SH3D19: variants seen among roughly 807,000 people sequenced by gnomAD.
SH3D19 encodes SH3 domain containing 19.
Under a neutral mutation model 112.1 loss-of-function variants are expected in SH3D19, and 58 were observed. The ratio of observed to expected loss-of-function variants is 0.52; its 90% CI spans 0.42 to 0.64. SH3D19 has a LOEUF of 0.64. Among genes scored for constraint, SH3D19 ranks in the 30% least tolerant of loss-of-function variants. The pLI is 0.00. For missense variants in SH3D19, 1,090 were observed against 1,263.4 expected, an observed-to-expected ratio of 0.86 and a Z score of 2.08; for synonymous variants, 391 against 448.5, an observed-to-expected ratio of 0.87 and a Z score of 1.62.
intron 13 of SH3D19, among the ~76,000 whole-genome samples, chr4:151,138,177 T>C (rs940097231): frequency 6.6e-6 from 1 of 152,136 alleles, no homozygotes; most frequent in African/African-American, 2.4e-5. Flanking sequence ...CACTGAACAA[T>C]GAAAAAAGTT....
chr4:151,175,430 C>A lies in SH3D19; in HGVS notation c.774G>T (p.Glu258Asp). 1.3e-6 allele frequency: 2 copies of A among 1,530,116 alleles called. No homozygotes were observed. The highest frequency in any genetic ancestry group is 8.8e-7 in the Non-Finnish European group (1 of 1,142,454). 94.8% of individuals were successfully genotyped at this position (1,530,116 alleles called of 1,614,324 possible). ...QQKISPAAVG[E>D]ESSPGRPQSL... ...ACTGGGGCCGGCCTGGGGATGACTC[C>A]TCTCCTACGGCTGCTGGGCTGATTT... The change falls in exon 7 of 20, where the codon GAG becomes GAT. Residue 258 changes from glutamate to aspartate, a missense_variant. By Grantham distance (45) the Glu-to-Asp change is conservative (BLOSUM62 2). Transcript: ENST00000604030.
rs180758692 is a variant in SH3D19 at position 151,161,666 on chromosome 4, G to A, written c.1643-2314C>T. The stretch of plus-strand genomic sequence containing the variant: ...TTTTAATTATACTTTAAGTTCTAGG[G>A]TACATGTGCACAACGTGCAGGTTTG... On this transcript the variant is annotated intron_variant, in intron 8 of 19. Transcript: ENST00000604030. Among the ~76,000 whole-genome samples, 180 of 149,132 alleles carry A rather than the reference G, an allele frequency of 1.2e-3. 1 individual carries two copies. In the East Asian group the frequency reaches 0.027, roughly 23 times the overall value.
intron 2 of SH3D19, among the ~76,000 whole-genome samples, chr4:151,195,229 G>A (rs779821241): frequency 3.3e-5 from 5 of 151,060 alleles, no homozygotes; most frequent in Admixed American, 1.3e-4. Flanking sequence ...AAAATTAGCC[G>A]GGCATGATGG....
intron 7 of SH3D19, among the ~76,000 whole-genome samples, chr4:151,174,312 C>T (rs1472200180): frequency 6.6e-6 from 1 of 152,158 alleles, no homozygotes; most frequent in African/African-American, 2.4e-5. Context: ...GAAGTCTGAA[C>T]TTCTATCTGC....
chr4:151,192,194 C>T (rs559955269), intron 2 of SH3D19, among the ~76,000 whole-genome samples: 16 of 152,256 alleles, frequency 1.1e-4, no homozygotes, highest in African/African-American at 1.7e-4. Flanking sequence ...GCCTCGGCCT[C>T]GCAAAGTGCT....
At position 151,176,848 on chromosome 4, in the gene SH3D19, G is replaced by A; in HGVS notation, c.344C>T (p.Ser115Phe). 8.1e-7 allele frequency: 1 copy of A among 1,232,192 alleles called. No homozygotes were observed. The highest frequency in any genetic ancestry group is 1.0e-6 in the Non-Finnish European group (1 of 987,986). 76.3% of individuals were successfully genotyped at this position (1,232,192 alleles called of 1,614,324 possible). ...AGGAACCAGCTCATTAGGCCTCCAA[G>A]AGCCTGCTGCAGATGATGTAGGAAA... ...LGFPTSSAAGSWRPNELVPAE... is the reference protein window; with the variant it reads ...LGFPTSSAAGFWRPNELVPAE... Residue 115 changes from serine (S) to phenylalanine (F), a missense_variant, in exon 5 of 20, where the codon TCT (serine) becomes TTT (phenylalanine). Transcript: ENST00000604030.
In SH3D19 at chr4:151,198,313, A is replaced by AT. The variant is rs1450507269; in HGVS notation, c.153-10851_153-10850insA. The stretch of plus-strand genomic sequence containing the variant: ...CAGCGAGACTCTGTCTCAAAAAAAA[A>AT]AAAAATATATATATAATATAAAAAT... On this transcript the variant is annotated intron_variant, in intron 2 of 19. Transcript: ENST00000604030. 6.7e-3 allele frequency among the ~76,000 whole-genome samples: 800 copies of AT among 118,738 alleles called. 17 individuals carry two copies. Among genetic ancestry groups the AT allele is most frequent in the Admixed American group, 0.033 (333 of 10,000 alleles). The allele number at this position is 118,738 out of a possible 152,430, so 77.9% of individuals were successfully genotyped here.
chr4:151,193,309 T>C (rs948045645), intron 2 of SH3D19, among the ~76,000 whole-genome samples: 2 of 152,040 alleles, frequency 1.3e-5, no homozygotes, highest in African/African-American at 4.8e-5. Flanking sequence ...TTGATGAGCA[T>C]TTGGTGTTCA....
chr4:151,255,554 G>A (rs1771818708), intron 1 of SH3D19, among the ~76,000 whole-genome samples: 1 of 150,166 alleles, frequency 6.7e-6, no homozygotes, highest in South Asian at 2.1e-4. Flanking sequence ...TGGGCAGCCA[G>A]GCAGAGGGGC....
At chr4:151,216,782 C>T (rs996687688) in intron 2 of SH3D19, among the ~76,000 whole-genome samples, 5 of 152,022 alleles carry the variant, frequency 3.3e-5, no homozygotes, top group African/African-American at 9.7e-5. Flanking sequence ...TTTCAATTAC[C>T]CAACTGCTAC....
intron 1 of SH3D19, among the ~76,000 whole-genome samples, chr4:151,307,799 A>G (rs1424163640): frequency 6.6e-6 from 1 of 152,252 alleles, no homozygotes; most frequent in Non-Finnish European, 1.5e-5. Context: ...CCACAGGGTG[A>G]GCCATGAGCA....
chr4:151,216,522 A>G (rs1767131864), intron 2 of SH3D19, among the ~76,000 whole-genome samples: 1 of 152,210 alleles, frequency 6.6e-6, no homozygotes, highest in African/African-American at 2.4e-5. Context: ...AAGGTAAATA[A>G]CTAATATAAA....
intron 2 of SH3D19, among the ~76,000 whole-genome samples, chr4:151,223,700 C>T (rs1768476626): frequency 6.6e-6 from 1 of 152,210 alleles, no homozygotes; most frequent in African/African-American, 2.4e-5. Flanking sequence ...CTCCCAGTTC[C>T]TCACACCAGT....
At chr4:151,139,990 G>A in intron 12 of SH3D19, 143 bp from the exon 13 acceptor site, 1 of 590,148 alleles carries the variant, frequency 1.7e-6, no homozygotes, top group South Asian at 2.4e-5. Flanking sequence ...CCACACAGTT[G>A]AGCCAAACAA....
chr4:151,282,564 ATC>A (rs1424754784), intron 1 of SH3D19, among the ~76,000 whole-genome samples: 1 of 152,228 alleles, frequency 6.6e-6, no homozygotes, highest in Non-Finnish European at 1.5e-5. Flanking sequence ...TAAATAAAAT[ATC>A]TTTTTTGACA....
chr4:151,217,576 G>T (rs746685930), intron 2 of SH3D19, among the ~76,000 whole-genome samples: 1 of 152,004 alleles, frequency 6.6e-6, no homozygotes, highest in Non-Finnish European at 1.5e-5. Context: ...ACACCAGGAA[G>T]CTATCTGAGA....
At chr4:151,318,810 G>A (rs1177574114) in intron 1 of SH3D19, among the ~76,000 whole-genome samples, 2 of 152,158 alleles carry the variant, frequency 1.3e-5, no homozygotes, top group Admixed American at 6.5e-5. Flanking sequence ...CACACAGCCA[G>A]TGGTCAGCCA....
intron 1 of SH3D19, among the ~76,000 whole-genome samples, chr4:151,299,319 G>A (rs926438453): frequency 7.9e-5 from 12 of 152,298 alleles, no homozygotes; most frequent in African/African-American, 2.4e-4. Context: ...AGTGGCTCAC[G>A]CCTGTAATCC....
chr4:151,256,698 T>G (rs1480083641), intron 1 of SH3D19, among the ~76,000 whole-genome samples: 4 of 151,002 alleles, frequency 2.6e-5, no homozygotes, highest in South Asian at 4.2e-4. Context: ...TTTGTTGTTT[T>G]TTTTTTTTTT....
Sources: allele counts gnomAD v4.1 joint callset (sites outside exome capture counted in the v4.1 genomes callset), GRCh38; gene constraint gnomAD v4.1.1; transcripts MANE v1.5; gene names NCBI Gene and HGNC (gene_info 2026-07-23, HGNC 2026-07-21).